ZNF804B: variants seen among roughly 807,000 people sequenced by gnomAD.
The protein encoded by ZNF804B is zinc finger 804B.
In ZNF804B, 80 loss-of-function variants were observed where a neutral mutation model predicts 101.4. That is an observed-to-expected ratio of 0.79 (90% CI 0.66 to 0.95). The LOEUF is 0.95. ZNF804B is among the 40% of genes least tolerant of loss of function. The pLI is 0.00. For synonymous variants in ZNF804B, 622 were observed against 558.8 expected (o/e 1.11, Z -1.59); for missense variants, 1,673 against 1,561.9 (o/e 1.07, Z -1.20).
chr7:88,966,944 C>T (rs1793463501), intron 1 of ZNF804B, among the ~76,000 whole-genome samples: 1 of 150,714 alleles, frequency 6.6e-6, no homozygotes, highest in Non-Finnish European at 1.5e-5. Flanking sequence ...CTGACACTTA[C>T]AGGATCTAGA....
At chr7:89,062,961 T>A (rs1789401257) in intron 1 of ZNF804B, among the ~76,000 whole-genome samples, 1 of 152,160 alleles carries the variant, frequency 6.6e-6, no homozygotes, top group African/African-American at 2.4e-5. Flanking sequence ...ACTTTGCCCT[T>A]ATTAGCTTTT....
intron 1 of ZNF804B, among the ~76,000 whole-genome samples, chr7:88,908,536 A>G (rs979688330): frequency 6.6e-6 from 1 of 151,882 alleles, no homozygotes; most frequent in African/African-American, 2.4e-5. Flanking sequence ...TCGTTTACAT[A>G]TTCATGCATC....
intron 1 of ZNF804B, among the ~76,000 whole-genome samples, chr7:89,041,970 TTAAAA>T (rs1404747918): frequency 9.9e-5 from 15 of 152,192 alleles, no homozygotes; most frequent in African/African-American, 3.4e-4. Flanking sequence ...CATATATGAC[TTAAAA>T]TAAGGATTCA....
At chr7:89,033,730 A>C (rs1788877984) in intron 1 of ZNF804B, among the ~76,000 whole-genome samples, 1 of 152,078 alleles carries the variant, frequency 6.6e-6, no homozygotes, top group Non-Finnish European at 1.5e-5. Context: ...TGACATAATT[A>C]AATAAATATG....
At chr7:88,789,239 G>C (rs528846571) in intron 1 of ZNF804B, among the ~76,000 whole-genome samples, 6 of 152,072 alleles carry the variant, frequency 3.9e-5, no homozygotes, top group African/African-American at 1.2e-4. Context: ...ATTTTTCTCA[G>C]ATATTATAAA....
At chr7:89,228,295 G>A (rs1584069931) in intron 2 of ZNF804B, among the ~76,000 whole-genome samples, 3 of 152,246 alleles carry the variant, frequency 2.0e-5, no homozygotes, top group Admixed American at 6.5e-5. Context: ...TCCACAGTGT[G>A]GAAGGGGACC....
At chr7:89,009,255 T>C (rs539398835) in intron 1 of ZNF804B, among the ~76,000 whole-genome samples, 1 of 152,162 alleles carries the variant, frequency 6.6e-6, no homozygotes, top group Non-Finnish European at 1.5e-5. Context: ...TACTAAAACA[T>C]TTATCTGTTA....
In ZNF804B at chr7:89,220,006, CAT is replaced by C. The variant is rs1335315903; in HGVS notation, c.249+1716_249+1717del. Among the ~76,000 whole-genome samples the C allele has an allele frequency of 2.3e-5, 3 of 132,044 alleles. 1 individual carries two copies. Among genetic ancestry groups the C allele is most frequent in the South Asian group, 4.5e-4 (2 of 4,416 alleles). The allele number at this position is 132,044 out of a possible 152,430, so 86.6% of individuals were successfully genotyped here. On this transcript the variant is annotated intron_variant, in intron 2 of 3. Coordinates refer to ENST00000333190, the MANE Select transcript of ZNF804B (RefSeq NM_181646.5). The stretch of plus-strand genomic sequence containing the variant: ...ATATGTGTGCATATATGTATATGCA[CAT>C]ATATGTGTGTATACATATATATACG...
intron 2 of ZNF804B, among the ~76,000 whole-genome samples, chr7:89,318,412 C>A (rs911452845): frequency 1.3e-5 from 2 of 152,040 alleles, no homozygotes; most frequent in African/African-American, 4.8e-5. Context: ...AAAGATGTAC[C>A]TTTTTACTGG....
chr7:89,255,838 C>T (rs1000414398), intron 2 of ZNF804B, among the ~76,000 whole-genome samples: 1 of 151,862 alleles, frequency 6.6e-6, no homozygotes, highest in African/African-American at 2.4e-5. Context: ...AGTATTCAGA[C>T]CATAAATCAG....
intron 2 of ZNF804B, among the ~76,000 whole-genome samples, chr7:89,234,665 TC>T (rs2115747742): frequency 6.6e-6 from 1 of 152,240 alleles, no homozygotes; most frequent in East Asian, 1.9e-4. Context: ...TCCTCGTCTC[TC>T]CCCACTCCCA....
intron 2 of ZNF804B, among the ~76,000 whole-genome samples, chr7:89,284,377 A>G (rs1237320843): frequency 1.3e-5 from 2 of 152,210 alleles, no homozygotes; most frequent in African/African-American, 4.8e-5. Flanking sequence ...TGGGACCCAT[A>G]TGAAGTAGCA....
intron 1 of ZNF804B, among the ~76,000 whole-genome samples, chr7:88,894,224 T>A (rs1040156994): frequency 1.3e-5 from 2 of 152,122 alleles, no homozygotes; most frequent in African/African-American, 4.8e-5. Flanking sequence ...ATCCCTTTTT[T>A]TTTTTTGAGA....
rs112918676 is a variant in ZNF804B, at chr7:89,233,875, C to T, written c.249+15580C>T. 2.6e-3 allele frequency among the ~76,000 whole-genome samples: 399 copies of T among 152,280 alleles called. 3 individuals are homozygous for T. The highest frequency in any genetic ancestry group is 9.2e-3 in the African/African-American group (384 of 41,554). On this transcript the variant is annotated intron_variant, in intron 2 of 3. Coordinates refer to ENST00000333190, the MANE Select transcript of ZNF804B (RefSeq NM_181646.5). ...CTGACTTCAGGTGATCCGCCTGCCT[C>T]GGCCTCCCAAAGTGCTGGGATCACA...
intron 2 of ZNF804B, among the ~76,000 whole-genome samples, chr7:89,233,994 G>A (rs1789239676): frequency 6.6e-6 from 1 of 152,152 alleles, no homozygotes; most frequent in Non-Finnish European, 1.5e-5. Flanking sequence ...TTTCCACAAT[G>A]GAGTGTGAAT....
At chr7:89,175,431 T>G (rs1791303264) in intron 1 of ZNF804B, among the ~76,000 whole-genome samples, 1 of 152,076 alleles carries the variant, frequency 6.6e-6, no homozygotes, top group South Asian at 2.1e-4. Flanking sequence ...ATTTCATTGG[T>G]CTATGTGTTT....
At chr7:88,907,822 C>G (rs939598827) in intron 1 of ZNF804B, among the ~76,000 whole-genome samples, 3 of 151,932 alleles carry the variant, frequency 2.0e-5, no homozygotes, top group African/African-American at 7.2e-5. Context: ...TTTTAATCAC[C>G]TACTAAATAA....
intron 1 of ZNF804B, among the ~76,000 whole-genome samples, chr7:89,036,734 T>G (rs980985911): frequency 1.3e-5 from 2 of 152,102 alleles, no homozygotes; most frequent in Non-Finnish European, 2.9e-5. Flanking sequence ...GTGGTAAAAC[T>G]TGGATGTTGG....
chr7:89,287,028 A>G (rs939494435), intron 2 of ZNF804B, among the ~76,000 whole-genome samples: 14 of 152,292 alleles, frequency 9.2e-5, no homozygotes, highest in African/African-American at 3.4e-4. Flanking sequence ...AATGAGGATG[A>G]AGATTTTTAT....
Sources: allele counts gnomAD v4.1 joint callset (sites outside exome capture counted in the v4.1 genomes callset), GRCh38; gene constraint gnomAD v4.1.1; transcripts MANE v1.5; gene names NCBI Gene and HGNC (gene_info 2026-07-23, HGNC 2026-07-21).